The following PODXL2 variants were observed in gnomAD, a reference collection of about 807,000 sequenced individuals.
PODXL2 encodes podocalyxin-like protein 2.
In PODXL2, 17 loss-of-function variants were observed where a neutral mutation model predicts 53.4. That is an observed-to-expected ratio of 0.32 (90% CI 0.22 to 0.48). PODXL2 has a LOEUF of 0.48. PODXL2 is among the 20% of genes least tolerant of loss of function. The pLI, the probability that PODXL2 is intolerant of heterozygous loss-of-function variation, is 0.99. For missense variants in PODXL2, 673 were observed against 760.0 expected, an observed-to-expected ratio of 0.89 and a Z score of 1.35; for synonymous variants, 311 against 306.7, an observed-to-expected ratio of 1.01 and a Z score of -0.15.
At chr3:127,650,691 C>G (rs928285999) in intron 2 of PODXL2, among the ~76,000 whole-genome samples, 4 of 152,080 alleles carry the variant, frequency 2.6e-5, no homozygotes, top group African/African-American at 9.7e-5. Context: ...GAGTCTTGCT[C>G]TGTCGCCCAG....
At position 127,672,312 on chromosome 3, in the gene PODXL2, C is replaced by T; in HGVS notation, c.1650C>T (p.Asp550=). The T allele has an allele frequency of 6.5e-7, 1 of 1,549,266 alleles. No individual in the cohort carries two copies. The highest frequency in any genetic ancestry group is 8.7e-7 in the Non-Finnish European group (1 of 1,148,080). Residue 550 remains aspartate (D), a synonymous_variant, in exon 8 of 8, where the codon GAC becomes GAT. Coordinates refer to ENST00000342480, the MANE Select transcript of PODXL2 (RefSeq NM_015720.4). The part of the protein sequence containing the change: ...ELRFVENGCH[D]NPTLDVASDS... ...GCTTCGTGGAGAACGGCTGCCACGA[C>T]AACCCCACGCTGGACGTGGCCAGCG...
rs917835248 is a variant in PODXL2, at chr3:127,629,218, C to G, written c.-2C>G. On this transcript the variant is annotated 5_prime_UTR_variant, in exon 1 of 8. Coordinates refer to ENST00000342480, the MANE Select transcript of PODXL2 (RefSeq NM_015720.4). The surrounding 1 kb of genome is among the most constrained non-coding windows in gnomAD (Gnocchi z 6.4). The stretch of plus-strand genomic sequence containing the variant: ...GCGGCTGCAGGCGGCGACGGCTACA[C>G]CATGGGCCGGCTGCTGCGGGCCGCC... 1 of 992,562 alleles carries G rather than the reference C, an allele frequency of 1.0e-6. No individual in the cohort carries two copies. Among genetic ancestry groups the G allele is most frequent in the South Asian group, 4.5e-5 (1 of 22,102 alleles). The allele number at this position is 992,562 out of a possible 1,614,324, so 61.5% of individuals were successfully genotyped here.
At chr3:127,656,895 A>C (rs1029924423) in intron 2 of PODXL2, among the ~76,000 whole-genome samples, 2 of 151,890 alleles carry the variant, frequency 1.3e-5, no homozygotes, top group Non-Finnish European at 2.9e-5. Flanking sequence ...TAATAAAAAA[A>C]TTTAGCGGGG....
intron 6 of PODXL2, among the ~76,000 whole-genome samples, chr3:127,670,968 C>G (rs1031774314): frequency 1.1e-4 from 17 of 152,228 alleles, no homozygotes; most frequent in African/African-American, 3.6e-4. Flanking sequence ...CTCCCTGCAC[C>G]GGCCCTGGCA....
In PODXL2 at chr3:127,629,192, T is replaced by C. The variant is rs956557146; in HGVS notation, c.-28T>C. 3.1e-6 allele frequency: 3 copies of C among 980,516 alleles called. No individual in the cohort carries two copies. Among genetic ancestry groups the C allele is most frequent in the Non-Finnish European group, 2.4e-6 (2 of 828,292 alleles). The allele number at this position is 980,516 out of a possible 1,614,324, so 60.7% of individuals were successfully genotyped here. A position where few individuals can be genotyped will look rare whatever the true frequency, so the allele number is the denominator to read the frequency against. ...GACGCGGGCCCGGGCGCCGCGCCGC[T>C]GCGGCTGCAGGCGGCGACGGCTACA... is the stretch of plus-strand genomic sequence containing the variant. On this transcript the variant is annotated 5_prime_UTR_variant, in exon 1 of 8. Coordinates refer to ENST00000342480, the MANE Select transcript of PODXL2 (RefSeq NM_015720.4). The surrounding 1 kb of genome is among the most constrained non-coding windows in gnomAD (Gnocchi z 6.4).
intron 1 of PODXL2, among the ~76,000 whole-genome samples, chr3:127,631,575 T>C (rs1319685707): frequency 6.6e-6 from 1 of 152,152 alleles, no homozygotes; most frequent in African/African-American, 2.4e-5. Flanking sequence ...TTATAGGTGC[T>C]AGAGGGAAAA....
At position 127,647,201 on chromosome 3, in the gene PODXL2, A is replaced by G. The variant is rs183667993; in HGVS notation, c.349+7678A>G. The stretch of plus-strand genomic sequence containing the variant: ...AGCTTGAAAATATTATGATTCTGTG[A>G]CATTTCAAGTGAAAAGAGCAACCTC... On this transcript the variant is annotated intron_variant, in intron 2 of 7. Coordinates refer to ENST00000342480, the MANE Select transcript of PODXL2 (RefSeq NM_015720.4). Among the ~76,000 whole-genome samples, 11 of 152,276 alleles carry G rather than the reference A, an allele frequency of 7.2e-5. No individual in the cohort carries two copies. In the East Asian group the frequency reaches 1.9e-3, roughly 27 times the overall value.
intron 1 of PODXL2, among the ~76,000 whole-genome samples, chr3:127,638,018 G>A: frequency 6.6e-6 from 1 of 151,706 alleles, no homozygotes; most frequent in African/African-American, 2.4e-5. Flanking sequence ...TAGAGCAAGA[G>A]GAAGACTGTG....
chr3:127,639,539 T>C lies in PODXL2; in HGVS notation c.349+16T>C. 6.3e-7 allele frequency: 1 copy of C among 1,598,642 alleles called. No individual in the cohort carries two copies. The highest frequency in any genetic ancestry group is 2.2e-5 in the East Asian group (1 of 44,758). ...CCCACTGCAGGTAGCTCTTCTTACC[T>C]ACAGAGCATGTGTTGAGTGCCAGCC... is the stretch of plus-strand genomic sequence containing the variant. On this transcript the variant is annotated intron_variant, in intron 2 of 7. Coordinates refer to ENST00000342480, the MANE Select transcript of PODXL2 (RefSeq NM_015720.4).
chr3:127,637,084 A>G (rs186151701), intron 1 of PODXL2, among the ~76,000 whole-genome samples: 2 of 152,120 alleles, frequency 1.3e-5, no homozygotes, highest in Non-Finnish European at 2.9e-5. Flanking sequence ...CGGCCTCCCA[A>G]AGTGCTGGGA....
chr3:127,654,743 A>G (rs11714815), intron 2 of PODXL2, among the ~76,000 whole-genome samples: 24,097 of 152,122 alleles, frequency 0.16, 1,978 homozygotes, highest in Admixed American at 0.2. Context: ...AGACACTTCC[A>G]CTTTTCCTGT....
intron 2 of PODXL2, among the ~76,000 whole-genome samples, chr3:127,651,114 A>G (rs2074686344): frequency 6.6e-6 from 1 of 152,140 alleles, no homozygotes; most frequent in Non-Finnish European, 1.5e-5. Context: ...AAATACGAAA[A>G]TTAGCCAGAT....
At position 127,662,227 on chromosome 3, in the gene PODXL2, C is replaced by G; in HGVS notation, c.1132-10C>G. ...GTAACTGTCGCCCTTCTTTCTGTCTCCTCGCACAGGTGATCTGCAAGGACT... is the reference window on the plus strand; with the variant it reads ...GTAACTGTCGCCCTTCTTTCTGTCTGCTCGCACAGGTGATCTGCAAGGACT... On this transcript the variant is annotated splice_polypyrimidine_tract_variant and intron_variant, in intron 3 of 7. Coordinates refer to ENST00000342480, the MANE Select transcript of PODXL2 (RefSeq NM_015720.4). 1 of 1,612,736 alleles carries G rather than the reference C, an allele frequency of 6.2e-7. No homozygotes were observed. Among genetic ancestry groups the G allele is most frequent in the African/African-American group, 1.3e-5 (1 of 75,018 alleles).
chr3:127,669,225 C>G (rs750140275), intron 6 of PODXL2, 23 bp downstream of exon 6: 3 of 1,524,620 alleles, frequency 2.0e-6, no homozygotes, highest in African/African-American at 2.7e-5. Flanking sequence ...GGACCTGGAC[C>G]TGTTAGCTTC....
At chr3:127,633,696 G>T (rs1056623801) in intron 1 of PODXL2, among the ~76,000 whole-genome samples, 16 of 152,116 alleles carry the variant, frequency 1.1e-4, no homozygotes, top group Admixed American at 7.2e-4. Context: ...ATTGAAACAA[G>T]GGACTCCTCA....
At chr3:127,648,002 G>T (rs2074666577) in intron 2 of PODXL2, among the ~76,000 whole-genome samples, 1 of 152,154 alleles carries the variant, frequency 6.6e-6, no homozygotes, top group Admixed American at 6.6e-5. Context: ...CTCATAAAGT[G>T]CCTATACTTC....
At chr3:127,668,870 G>C (rs186766654) in intron 5 of PODXL2, among the ~76,000 whole-genome samples, 23 of 152,328 alleles carry the variant, frequency 1.5e-4, no homozygotes, top group Non-Finnish European at 2.9e-4. Flanking sequence ...TGTACCTGGT[G>C]TGGCAGGGGA....
intron 1 of PODXL2, among the ~76,000 whole-genome samples, chr3:127,634,740 A>G (rs2074567012): frequency 6.6e-6 from 1 of 152,126 alleles, no homozygotes; most frequent in Non-Finnish European, 1.5e-5. Context: ...ATAAATAAAA[A>G]TAAAAAATAA....
At chr3:127,634,890 G>A (rs2074567618) in intron 1 of PODXL2, among the ~76,000 whole-genome samples, 1 of 152,136 alleles carries the variant, frequency 6.6e-6, no homozygotes, top group South Asian at 2.1e-4. Flanking sequence ...GCAGTGTTCG[G>A]GACAGATGAG....
Sources: allele counts gnomAD v4.1 joint callset (sites outside exome capture counted in the v4.1 genomes callset), GRCh38; gene constraint gnomAD v4.1.1; non-coding constraint Gnocchi (gnomAD v3.1); transcripts MANE v1.5; gene names NCBI Gene and HGNC (gene_info 2026-07-23, HGNC 2026-07-21).